The following GPC5 variants were observed in gnomAD, a reference collection of about 807,000 sequenced individuals.
GPC5 encodes glypican 5.
Under a neutral mutation model 53.9 loss-of-function variants are expected in GPC5, and 47 were observed. The observed-to-expected ratio is 0.87, with a 90% confidence interval of 0.69 to 1.11. The LOEUF is 1.11. Among genes scored for constraint, GPC5 ranks in the 50% most tolerant of loss-of-function variants. The pLI, the probability that GPC5 is intolerant of heterozygous loss-of-function variation, is 0.00. For synonymous variants in GPC5, 286 were observed against 263.3 expected (o/e 1.09, Z -0.84); for missense variants, 748 against 713.1 (o/e 1.05, Z -0.56).
At chr13:92,429,624 T>C (rs1876998808) in intron 7 of GPC5, among the ~76,000 whole-genome samples, 1 of 151,966 alleles carries the variant, frequency 6.6e-6, no homozygotes, top group African/African-American at 2.4e-5. Flanking sequence ...TCACATATCA[T>C]TTGCTGTTTG....
intron 7 of GPC5, among the ~76,000 whole-genome samples, chr13:92,166,956 TCACACACACACACACACA>T (rs199854897): frequency 2.4e-5 from 2 of 84,710 alleles, no homozygotes; most frequent in Non-Finnish European, 4.9e-5. Flanking sequence ...TCTCTCTCTC[TCACACACACACACACACA>T]CACACACACA....
chr13:92,052,615 G>A (rs997157242), intron 6 of GPC5, among the ~76,000 whole-genome samples: 1 of 152,042 alleles, frequency 6.6e-6, no homozygotes, highest in African/African-American at 2.4e-5. Context: ...TTTTTACAGA[G>A]TGCTGATTGG....
At chr13:92,235,970 A>G (rs1238189390) in intron 7 of GPC5, among the ~76,000 whole-genome samples, 2 of 152,128 alleles carry the variant, frequency 1.3e-5, no homozygotes, top group Admixed American at 6.5e-5. Flanking sequence ...TTTATAAAAT[A>G]TTAAGCTAGG....
chr13:92,807,013 T>G lies in GPC5; in HGVS notation c.1562-59269T>G, dbSNP rs560507646. Among the ~76,000 whole-genome samples, 61 of 152,192 alleles carry G rather than the reference T, an allele frequency of 4.0e-4. 1 individual carries two copies. Among genetic ancestry groups the G allele is most frequent in the Middle Eastern group, 6.8e-3 (2 of 294 alleles). ...TACATTAAAGTGCAGTGCAATAAAA[T>G]GTACTACATTTTGTCCAGTCTCAGT... On this transcript the variant is annotated intron_variant, in intron 7 of 7. Transcript: ENST00000377067.
At chr13:91,983,351 A>T (rs1056107313) in intron 6 of GPC5, among the ~76,000 whole-genome samples, 105 of 152,236 alleles carry the variant, frequency 6.9e-4, no homozygotes, top group African/African-American at 2.5e-3. Flanking sequence ...GTCTCAAAAA[A>T]AAAAGGACCC....
chr13:92,291,205 G>A (rs2042992751), intron 7 of GPC5, among the ~76,000 whole-genome samples: 1 of 152,102 alleles, frequency 6.6e-6, no homozygotes, highest in Admixed American at 6.5e-5. Context: ...CAGTCCCATC[G>A]ACCACCCAAG....
chr13:92,084,160 G>A (rs1307936053), intron 6 of GPC5, among the ~76,000 whole-genome samples: 1 of 152,138 alleles, frequency 6.6e-6, no homozygotes, highest in Non-Finnish European at 1.5e-5. Context: ...AGGATAAATA[G>A]CTAGTGAACA....
chr13:92,573,770 T>A (rs898736586), intron 7 of GPC5, among the ~76,000 whole-genome samples: 8 of 152,168 alleles, frequency 5.3e-5, no homozygotes, highest in Non-Finnish European at 5.9e-5. Context: ...CAGGCTAGCC[T>A]AGTAACTCCT....
chr13:92,298,118 C>G (rs370345088), intron 7 of GPC5, among the ~76,000 whole-genome samples: 2 of 152,232 alleles, frequency 1.3e-5, no homozygotes, highest in East Asian at 3.9e-4. Flanking sequence ...CCAGCACTCA[C>G]AGGCCTCACC....
At chr13:92,825,256 C>T (rs990779280) in intron 7 of GPC5, among the ~76,000 whole-genome samples, 6 of 151,992 alleles carry the variant, frequency 3.9e-5, no homozygotes, top group African/African-American at 7.3e-5. Flanking sequence ...TTAGACAGTA[C>T]GACATTTCAT....
chr13:91,472,147 G>A (rs2139183193), intron 2 of GPC5, among the ~76,000 whole-genome samples: 1 of 152,184 alleles, frequency 6.6e-6, no homozygotes, highest in South Asian at 2.1e-4. Context: ...GAATAAAAAA[G>A]TTACATCTTA....
At chr13:92,193,288 T>G (rs2042236198) in intron 7 of GPC5, among the ~76,000 whole-genome samples, 1 of 152,246 alleles carries the variant, frequency 6.6e-6, no homozygotes, top group African/African-American at 2.4e-5. Flanking sequence ...TATTTTCTTT[T>G]TCCAATAAAA....
At chr13:91,589,254 C>T (rs1047810667) in intron 2 of GPC5, among the ~76,000 whole-genome samples, 2 of 152,006 alleles carry the variant, frequency 1.3e-5, no homozygotes, top group African/African-American at 4.8e-5. Context: ...ACTCTCATTC[C>T]TCTTCTTTAA....
At chr13:92,549,699 C>A (rs957416590) in intron 7 of GPC5, among the ~76,000 whole-genome samples, 2 of 152,008 alleles carry the variant, frequency 1.3e-5, no homozygotes, top group Admixed American at 1.3e-4. Context: ...CCATTTACAG[C>A]AGAGGAGAAA....
chr13:91,925,898 A>G (rs185565728), intron 6 of GPC5, among the ~76,000 whole-genome samples: 22 of 152,340 alleles, frequency 1.4e-4, no homozygotes, highest in Admixed American at 1.3e-3. Flanking sequence ...GGTTGAGATT[A>G]CTTAGTGAAA....
chr13:92,142,722 G>T (rs773226734), intron 6 of GPC5, among the ~76,000 whole-genome samples: 1 of 152,040 alleles, frequency 6.6e-6, no homozygotes, highest in Non-Finnish European at 1.5e-5. Flanking sequence ...CACTGTTGGT[G>T]GTGTTAATGA....
chr13:92,058,196 A>T (rs1436024709), intron 6 of GPC5, among the ~76,000 whole-genome samples: 1 of 152,134 alleles, frequency 6.6e-6, no homozygotes, highest in Non-Finnish European at 1.5e-5. Flanking sequence ...TATATTTTTA[A>T]TTTTTATTTT....
intron 2 of GPC5, among the ~76,000 whole-genome samples, chr13:91,518,163 TTTTAAGAAAC>T (rs1182401282): frequency 1.6e-4 from 24 of 152,176 alleles, no homozygotes; most frequent in Admixed American, 1.6e-3. Context: ...AGCTTAACTG[TTTTAAGAAAC>T]ATCCAATTAG....
chr13:91,981,506 G>T (rs2040359039), intron 6 of GPC5, among the ~76,000 whole-genome samples: 1 of 152,112 alleles, frequency 6.6e-6, no homozygotes, highest in South Asian at 2.1e-4. Context: ...AGCCAGGATG[G>T]TCTCGATCTC....
Sources: allele counts gnomAD v4.1 joint callset (sites outside exome capture counted in the v4.1 genomes callset), GRCh38; gene constraint gnomAD v4.1.1; transcripts MANE v1.5; gene names NCBI Gene and HGNC (gene_info 2026-07-23, HGNC 2026-07-21).